Variants in ILRUN observed in about 807,000 individuals in gnomAD.
The protein encoded by ILRUN is inflammation and lipid regulator with UBA-like and NBR1-like domains.
In ILRUN, 3 loss-of-function variants were observed where a neutral mutation model predicts 33.8. The ratio of observed to expected loss-of-function variants is 0.09; its 90% CI spans 0.04 to 0.23. The LOEUF is 0.23. ILRUN is among the 10% of genes least tolerant of loss of function. The pLI, the probability that ILRUN is intolerant of heterozygous loss-of-function variation, is 1.00. For synonymous variants in ILRUN, 124 were observed against 138.9 expected (o/e 0.89, Z 0.75); for missense variants, 210 against 375.1 (o/e 0.56, Z 3.64).
intron 3 of ILRUN, among the ~76,000 whole-genome samples, chr6:34,613,379 A>C (rs1761802315): frequency 6.6e-6 from 1 of 152,248 alleles, no homozygotes; most frequent in African/African-American, 2.4e-5. Flanking sequence ...GATTATGGTC[A>C]GATAAAAAAT....
At chr6:34,620,935 A>G (rs886222545) in intron 3 of ILRUN, among the ~76,000 whole-genome samples, 1 of 152,240 alleles carries the variant, frequency 6.6e-6, no homozygotes, top group Non-Finnish European at 1.5e-5. Flanking sequence ...GGTAGGGAAG[A>G]CATACACAAC....
intron 1 of ILRUN, among the ~76,000 whole-genome samples, chr6:34,695,379 G>A (rs979355224): frequency 6.6e-6 from 1 of 152,160 alleles, no homozygotes; most frequent in Non-Finnish European, 1.5e-5. Flanking sequence ...AAGTCTAATC[G>A]TCTCCACTGC....
chr6:34,653,537 T>C (rs2814996), intron 2 of ILRUN, among the ~76,000 whole-genome samples: 25,161 of 152,160 alleles, frequency 0.17, 2,280 homozygotes, highest in African/African-American at 0.22. Context: ...GGTTAACTTA[T>C]TTCTAGTTTG....
chr6:34,608,319 G>T (rs1761675808), intron 3 of ILRUN, among the ~76,000 whole-genome samples: 1 of 151,850 alleles, frequency 6.6e-6, no homozygotes, highest in Non-Finnish European at 1.5e-5. Flanking sequence ...GCTTGAGCCT[G>T]GGAGGTGGAG....
At chr6:34,674,487 C>T (rs1221100477) in intron 1 of ILRUN, among the ~76,000 whole-genome samples, 2 of 152,062 alleles carry the variant, frequency 1.3e-5, no homozygotes. Flanking sequence ...TATCACAAAG[C>T]AAAATCCTTA....
intron 3 of ILRUN, among the ~76,000 whole-genome samples, chr6:34,608,092 TA>T (rs71538249): frequency 0.17 from 23,921 of 143,756 alleles, 2,469 homozygotes; most frequent in African/African-American, 0.3. Context: ...CACCCTGTCT[TA>T]AAAAAAAAAA....
chr6:34,682,359 G>A (rs1181502589), intron 1 of ILRUN, among the ~76,000 whole-genome samples: 1 of 147,952 alleles, frequency 6.8e-6, no homozygotes, highest in Admixed American at 7.0e-5. Context: ...CCGGGTTCAC[G>A]CCATTCTCCT....
intron 2 of ILRUN, among the ~76,000 whole-genome samples, chr6:34,652,510 A>G (rs144247656): frequency 1.3e-5 from 2 of 152,340 alleles, no homozygotes; most frequent in African/African-American, 4.8e-5. Flanking sequence ...AAAACTAAGA[A>G]TAACAATTCA....
At chr6:34,624,933 T>G (rs1562007212) in intron 3 of ILRUN, among the ~76,000 whole-genome samples, 1 of 152,150 alleles carries the variant, frequency 6.6e-6, no homozygotes, top group Non-Finnish European at 1.5e-5. Context: ...CTCTCTTCCC[T>G]CTCCTCCTGA....
chr6:34,637,387 T>C (rs1762385446), intron 3 of ILRUN, among the ~76,000 whole-genome samples: 3 of 152,214 alleles, frequency 2.0e-5, no homozygotes, highest in African/African-American at 7.2e-5. Flanking sequence ...TGTACTTGAT[T>C]TTAAGAATTT....
At chr6:34,672,156 G>A (rs1763130524) in intron 1 of ILRUN, among the ~76,000 whole-genome samples, 1 of 151,688 alleles carries the variant, frequency 6.6e-6, no homozygotes, top group South Asian at 2.1e-4. Context: ...AGGCTGGAGT[G>A]CAGTGGCACA....
intron 4 of ILRUN, among the ~76,000 whole-genome samples, chr6:34,593,013 C>T (rs975843948): frequency 2.6e-5 from 4 of 151,948 alleles, no homozygotes; most frequent in Admixed American, 1.3e-4. Context: ...CATCTCCACG[C>T]GCAAATTTTT....
At chr6:34,656,617 G>A (rs11961166) in intron 1 of ILRUN, among the ~76,000 whole-genome samples, 13 of 152,348 alleles carry the variant, frequency 8.5e-5, no homozygotes, top group African/African-American at 2.6e-4. Context: ...CCACTGAGCT[G>A]TTTTTAATTA....
In ILRUN at chr6:34,684,138, G is replaced by GA. The variant is rs918223316; in HGVS notation, c.158+12307dup. ...AAAACCTATATTTTTTACTTCTCTT[G>GA]AAAAAAAATAGAAAAATCTAACACT... On this transcript the variant is annotated intron_variant, in intron 1 of 4. Coordinates refer to ENST00000374023, the MANE Select transcript of ILRUN (RefSeq NM_024294.4). 1.1e-3 allele frequency among the ~76,000 whole-genome samples: 160 copies of GA among 151,386 alleles called. 4 individuals are homozygous for GA. Among genetic ancestry groups the GA allele is most frequent in the East Asian group, 3.5e-3 (18 of 5,170 alleles).
chr6:34,694,894 A>G (rs932954562), intron 1 of ILRUN, among the ~76,000 whole-genome samples: 1 of 151,580 alleles, frequency 6.6e-6, no homozygotes, highest in African/African-American at 2.4e-5. Context: ...CTAAAAATAC[A>G]AAAAAAATTA....
intron 3 of ILRUN, among the ~76,000 whole-genome samples, chr6:34,613,269 A>C (rs527260994): frequency 3.9e-5 from 6 of 152,170 alleles, no homozygotes; most frequent in African/African-American, 1.4e-4. Flanking sequence ...CCAATCAAAC[A>C]AATTTTTAGA....
intron 3 of ILRUN, among the ~76,000 whole-genome samples, chr6:34,636,552 G>A (rs570096545): frequency 2.3e-4 from 35 of 152,168 alleles, no homozygotes; most frequent in African/African-American, 8.4e-4. Flanking sequence ...TTCAATAGGA[G>A]ATTATCCTCT....
rs769673405 is a variant in ILRUN, at chr6:34,590,572, T to C, written c.890A>G (p.Gln297Arg). The change falls in exon 5 of 5, where the codon CAG becomes CGG. Residue 297 changes from glutamine to arginine, a missense_variant. Gln to Arg is a conservative substitution (Grantham distance 43). Coordinates refer to ENST00000374023, the MANE Select transcript of ILRUN (RefSeq NM_024294.4). The stretch of plus-strand genomic sequence containing the variant: ...CTTCTTGCTGACACCCGTTTAAGAC[T>C]GGCCGAAGGGGTAAGGCCCATGGAG... ...KGLHGPYPFG[Q>R]S The C allele has an allele frequency of 1.2e-6, 2 of 1,613,952 alleles. No individual in the cohort carries two copies. The highest frequency in any genetic ancestry group is 1.7e-5 in the Admixed American group (1 of 59,998).
chr6:34,673,447 C>A (rs35987776), intron 1 of ILRUN, among the ~76,000 whole-genome samples: 23,662 of 152,112 alleles, frequency 0.16, 2,380 homozygotes, highest in African/African-American at 0.28. Context: ...AAAAAAAAGA[C>A]TGAACAAACC....
Sources: gnomAD v4.1 joint callset for allele counts (sites outside exome capture counted in the v4.1 genomes callset) on GRCh38, gnomAD v4.1.1 for gene constraint, MANE v1.5 for transcripts, NCBI Gene and HGNC (gene_info 2026-07-23, HGNC 2026-07-21) for gene names.